Variants in NLK observed in about 807,000 individuals in gnomAD.
NLK encodes the protein nemo like kinase, also known as serine/threonine-protein kinase NLK.
A neutral mutation model predicts 59.0 loss-of-function variants in NLK; 11 were observed. The observed-to-expected ratio is 0.19, with a 90% CI of 0.12 to 0.31. NLK has a LOEUF of 0.31. Among genes scored for constraint, NLK ranks in the 10% least tolerant of loss-of-function variants. NLK has a pLI of 1.00. For synonymous variants in NLK, 235 were observed against 235.9 expected, an observed-to-expected ratio of 1.00 and a Z score of 0.03; for missense variants, 410 against 661.1, an observed-to-expected ratio of 0.62 and a Z score of 4.16.
intron 1 of NLK, among the ~76,000 whole-genome samples, chr17:28,119,371 C>G (rs1307032740): frequency 6.6e-6 from 1 of 152,166 alleles, no homozygotes; most frequent in Non-Finnish European, 1.5e-5. Context: ...GTGAATTTTA[C>G]TTTAAAACAT....
chr17:28,135,784 C>T (rs1279172810), intron 3 of NLK, among the ~76,000 whole-genome samples: 1 of 152,134 alleles, frequency 6.6e-6, no homozygotes, highest in Non-Finnish European at 1.5e-5. Flanking sequence ...CCATTTTCTA[C>T]CTTATAGTTC....
At chr17:28,079,174 A>G (rs867246231) in intron 1 of NLK, among the ~76,000 whole-genome samples, 12 of 152,340 alleles carry the variant, frequency 7.9e-5, no homozygotes, top group South Asian at 2.1e-4. Context: ...GACATGCTCA[A>G]TGTTCATCTA....
intron 1 of NLK, among the ~76,000 whole-genome samples, chr17:28,075,534 C>T (rs1480166899): frequency 6.6e-6 from 1 of 152,208 alleles, no homozygotes; most frequent in Non-Finnish European, 1.5e-5. Flanking sequence ...GTTTTGTATT[C>T]TTGAGTCTCT....
intron 1 of NLK, among the ~76,000 whole-genome samples, chr17:28,076,101 G>C (rs1910154267): frequency 6.6e-6 from 1 of 152,096 alleles, no homozygotes; most frequent in South Asian, 2.1e-4. Flanking sequence ...TAGTGTGTTG[G>C]AGCTAAAAAG....
chr17:28,107,122 G>A (rs1338621858), intron 1 of NLK, among the ~76,000 whole-genome samples: 3 of 152,108 alleles, frequency 2.0e-5, no homozygotes, highest in Admixed American at 6.5e-5. Flanking sequence ...TTTTCAGTAC[G>A]TAATATATAT....
At chr17:28,095,445 A>G (rs1282570555) in intron 1 of NLK, among the ~76,000 whole-genome samples, 1 of 152,176 alleles carries the variant, frequency 6.6e-6, no homozygotes, top group African/African-American at 2.4e-5. Flanking sequence ...TCAGACTGTA[A>G]CTCAACATAG....
intron 7 of NLK, among the ~76,000 whole-genome samples, chr17:28,179,670 G>A (rs1908820039): frequency 6.6e-6 from 1 of 151,998 alleles, no homozygotes; most frequent in African/African-American, 2.4e-5. Flanking sequence ...GGAGGCAGAG[G>A]TTGCAGTGAG....
chr17:28,121,071 G>A (rs973018548), intron 1 of NLK, among the ~76,000 whole-genome samples: 1 of 152,046 alleles, frequency 6.6e-6, no homozygotes, highest in Non-Finnish European at 1.5e-5. Context: ...AATGTCACAT[G>A]GATCAATTCT....
chr17:28,201,288 G>A (rs1360956234), downstream of NLK, among the ~76,000 whole-genome samples: 1 of 151,620 alleles, frequency 6.6e-6, no homozygotes, highest in Non-Finnish European at 1.5e-5. Context: ...TTGCCATGTT[G>A]CCCAGGCTGG....
chr17:28,163,472 A>G, intron 4 of NLK, 71 bp from the exon 5 acceptor site: 1 of 884,558 alleles, frequency 1.1e-6, no homozygotes, highest in Admixed American at 2.3e-5. Flanking sequence ...TTTTCTTCCA[A>G]GGTTTTTTTT....
intron 2 of NLK, among the ~76,000 whole-genome samples, chr17:28,126,401 T>C (rs535261708): frequency 6.6e-6 from 1 of 152,036 alleles, no homozygotes; most frequent in Non-Finnish European, 1.5e-5. Context: ...AAGAGAAAAA[T>C]TGTTGTGGAC....
intron 1 of NLK, among the ~76,000 whole-genome samples, chr17:28,089,438 A>G (rs1904401905): frequency 1.3e-5 from 2 of 150,874 alleles, no homozygotes; most frequent in Non-Finnish European, 3.0e-5. Context: ...GTAGTAATCT[A>G]TTGTAGAGAT....
At chr17:28,082,718 C>T (rs375821896) in intron 1 of NLK, among the ~76,000 whole-genome samples, 3 of 152,162 alleles carry the variant, frequency 2.0e-5, no homozygotes, top group African/African-American at 4.8e-5. Flanking sequence ...TCACTAAAGC[C>T]TGTCTTTTTG....
At chr17:28,063,077 G>A (rs950642085) in intron 1 of NLK, among the ~76,000 whole-genome samples, 11 of 151,954 alleles carry the variant, frequency 7.2e-5, no homozygotes, top group East Asian at 1.9e-4. Flanking sequence ...GACTATAGGC[G>A]TACACCACCA....
chr17:28,065,531 G>T (rs1169160968), intron 1 of NLK, among the ~76,000 whole-genome samples: 1 of 152,168 alleles, frequency 6.6e-6, no homozygotes, highest in Non-Finnish European at 1.5e-5. Flanking sequence ...AATCTGGGAA[G>T]CTATTGAATG....
At chr17:28,091,060 C>G (rs888703082) in intron 1 of NLK, among the ~76,000 whole-genome samples, 7 of 152,084 alleles carry the variant, frequency 4.6e-5, no homozygotes, top group Non-Finnish European at 8.8e-5. Context: ...GATATATTAA[C>G]ATGGATCAAT....
intron 1 of NLK, among the ~76,000 whole-genome samples, chr17:28,111,726 C>G (rs974560274): frequency 3.9e-5 from 6 of 151,972 alleles, no homozygotes; most frequent in South Asian, 2.1e-4. Flanking sequence ...CAACTCGGGT[C>G]TCTGCTCAAT....
At chr17:28,075,796 C>A (rs1377480026) in intron 1 of NLK, among the ~76,000 whole-genome samples, 3 of 152,012 alleles carry the variant, frequency 2.0e-5, no homozygotes, top group Non-Finnish European at 4.4e-5. Context: ...CCATTTTTTC[C>A]CCCTTCCTCA....
intron 1 of NLK, among the ~76,000 whole-genome samples, chr17:28,121,649 G>T (rs995712772): frequency 6.6e-6 from 1 of 151,454 alleles, no homozygotes; most frequent in African/African-American, 2.4e-5. Context: ...TTACAGACAT[G>T]CACCACGCCC....
Sources: allele counts gnomAD v4.1 joint callset (sites outside exome capture counted in the v4.1 genomes callset), GRCh38; gene constraint gnomAD v4.1.1; transcripts MANE v1.5; gene names NCBI Gene and HGNC (gene_info 2026-07-23, HGNC 2026-07-21).